CACNA2D3: variants seen among roughly 807,000 people sequenced by gnomAD.
CACNA2D3 encodes calcium voltage-gated channel auxiliary subunit alpha2delta 3, also known as voltage-dependent calcium channel subunit alpha-2/delta-3.
CACNA2D3 carries 60 observed loss-of-function variants against 160.6 expected under a neutral mutation model. The ratio of observed to expected loss-of-function variants is 0.37; its 90% confidence interval spans 0.30 to 0.46. The LOEUF is 0.46. Among genes scored for constraint, CACNA2D3 ranks in the 20% least tolerant of loss-of-function variants. The probability of loss-of-function intolerance (pLI) is 1.00; values close to 1 mark genes in which losing one functional copy is unlikely to be tolerated. For synonymous variants in CACNA2D3, 558 were observed against 492.9 expected (o/e 1.13, Z -1.75); for missense variants, 1,205 against 1,365.0 (o/e 0.88, Z 1.85).
chr3:54,472,090 AG>A (rs1700743184), intron 4 of CACNA2D3, among the ~76,000 whole-genome samples: 1 of 152,208 alleles, frequency 6.6e-6, no homozygotes, highest in Admixed American at 6.5e-5. Context: ...CAGAGACACA[AG>A]AAAAAAAGAA....
chr3:54,664,968 A>C (rs2106887825), intron 11 of CACNA2D3, among the ~76,000 whole-genome samples: 1 of 152,362 alleles, frequency 6.6e-6, no homozygotes, highest in East Asian at 1.9e-4. Context: ...GTAAAGGTTC[A>C]TTTGATGTCT....
chr3:54,469,155 A>G (rs888107670), intron 4 of CACNA2D3, among the ~76,000 whole-genome samples: 6 of 152,292 alleles, frequency 3.9e-5, no homozygotes, highest in East Asian at 1.9e-4. Context: ...GCAAGGGTCA[A>G]TAGACACCTC....
At chr3:54,745,253 T>C (rs748684849) in intron 11 of CACNA2D3, among the ~76,000 whole-genome samples, 11 of 152,166 alleles carry the variant, frequency 7.2e-5, no homozygotes, top group Non-Finnish European at 1.3e-4. Context: ...CGTTGGACAG[T>C]CAATCATCTC....
chr3:54,675,939 T>G (rs1700236131), intron 11 of CACNA2D3, among the ~76,000 whole-genome samples: 1 of 152,152 alleles, frequency 6.6e-6, no homozygotes, highest in African/African-American at 2.4e-5. Context: ...ACTCCCATGG[T>G]TATATCCTTG....
At chr3:54,270,397 C>T (rs893531704) in intron 2 of CACNA2D3, among the ~76,000 whole-genome samples, 1 of 152,232 alleles carries the variant, frequency 6.6e-6, no homozygotes, top group African/African-American at 2.4e-5. Flanking sequence ...CTTGACACTG[C>T]TCTTGAATAT....
At chr3:54,545,824 G>A (rs1702054652) in intron 5 of CACNA2D3, among the ~76,000 whole-genome samples, 2 of 152,108 alleles carry the variant, frequency 1.3e-5, no homozygotes, top group African/African-American at 4.8e-5. Context: ...GTTTATGTTT[G>A]GTGACCTTAT....
chr3:54,377,541 C>T (rs1461977569), intron 3 of CACNA2D3, among the ~76,000 whole-genome samples: 2 of 152,168 alleles, frequency 1.3e-5, no homozygotes, highest in Non-Finnish European at 2.9e-5. Flanking sequence ...TGTGTGGAAT[C>T]CTTTGGGAAA....
intron 4 of CACNA2D3, among the ~76,000 whole-genome samples, chr3:54,447,993 C>T (rs1700248761): frequency 6.6e-6 from 1 of 152,176 alleles, no homozygotes; most frequent in Non-Finnish European, 1.5e-5. Flanking sequence ...CAAAGTAGCA[C>T]AACCACGAGG....
chr3:54,273,957 T>A (rs1260184225), intron 2 of CACNA2D3, among the ~76,000 whole-genome samples: 1 of 152,132 alleles, frequency 6.6e-6, no homozygotes, highest in Non-Finnish European at 1.5e-5. Context: ...CCAGGCCAGG[T>A]TGCATCATAC....
intron 35 of CACNA2D3, among the ~76,000 whole-genome samples, chr3:55,042,574 G>A (rs971081364): frequency 6.6e-6 from 1 of 151,846 alleles, no homozygotes; most frequent in Non-Finnish European, 1.5e-5. Context: ...CATATGTTTT[G>A]GTCTTTCTTT....
chr3:54,653,013 C>A (rs940104204), intron 11 of CACNA2D3, among the ~76,000 whole-genome samples: 6 of 152,126 alleles, frequency 3.9e-5, no homozygotes, highest in Admixed American at 3.3e-4. Flanking sequence ...GAACTCCTGA[C>A]CTCAAGTGAT....
At chr3:54,957,749 T>C (rs1701937498) in intron 27 of CACNA2D3, among the ~76,000 whole-genome samples, 1 of 152,044 alleles carries the variant, frequency 6.6e-6, no homozygotes, top group African/African-American at 2.4e-5. Flanking sequence ...TGCCCATTGC[T>C]CCATGCCAGT....
At chr3:54,207,897 A>G (rs183757051) in intron 2 of CACNA2D3, among the ~76,000 whole-genome samples, 72 of 152,252 alleles carry the variant, frequency 4.7e-4, no homozygotes, top group African/African-American at 1.7e-3. Context: ...CATTATCCAG[A>G]AAAGTGATCT....
chr3:54,860,754 A>G (rs989978001), intron 17 of CACNA2D3, among the ~76,000 whole-genome samples: 3 of 152,126 alleles, frequency 2.0e-5, no homozygotes, highest in African/African-American at 4.8e-5. Flanking sequence ...CTGTTTCTCT[A>G]TGGAGCAGAG....
intron 11 of CACNA2D3, among the ~76,000 whole-genome samples, chr3:54,687,140 T>TTTTTTTTTTTTTTTTTTTTTTTTTG (rs1559549449): frequency 1.4e-5 from 1 of 69,670 alleles, no homozygotes; most frequent in Non-Finnish European, 3.2e-5. Context: ...TTTTTGTTTT[T>TTTTTTTTTTTTTTTTTTTTTTTTTG]TTTTTTTTTT....
chr3:54,467,399 A>G (rs1009818314), intron 4 of CACNA2D3, among the ~76,000 whole-genome samples: 8 of 152,202 alleles, frequency 5.3e-5, no homozygotes, highest in Non-Finnish European at 1.5e-5. Flanking sequence ...AGTAAAAGAG[A>G]AAGAGAAGCT....
At chr3:54,200,755 C>T (rs1462443189) in intron 2 of CACNA2D3, among the ~76,000 whole-genome samples, 4 of 152,180 alleles carry the variant, frequency 2.6e-5, no homozygotes, top group Non-Finnish European at 5.9e-5. Context: ...CATTTCATAG[C>T]ATTTGATTAC....
intron 2 of CACNA2D3, among the ~76,000 whole-genome samples, chr3:54,243,033 C>T (rs989989850): frequency 1.3e-5 from 2 of 152,154 alleles, no homozygotes; most frequent in South Asian, 2.1e-4. Flanking sequence ...GATTTGGGTC[C>T]GGGTGAATTG....
rs180960609 is a variant in CACNA2D3 at position 54,334,045 on chromosome 3, G to A, written c.321+13487G>A. Among the ~76,000 whole-genome samples the A allele has an allele frequency of 4.9e-3, 742 of 152,338 alleles. 3 individuals carry two copies. Among genetic ancestry groups the A allele is most frequent in the Non-Finnish European group, 9.3e-3 (636 of 68,022 alleles). ...TACTTCCTCTTGTAGAAGTGGAAGTGCAGGGACTTTGCCCCAGTCATTTGT... is the reference window on the plus strand; with the variant it reads ...TACTTCCTCTTGTAGAAGTGGAAGTACAGGGACTTTGCCCCAGTCATTTGT... On this transcript the variant is annotated intron_variant, in intron 3 of 37. Transcript: ENST00000474759.
Sources: gnomAD v4.1 joint callset for allele counts (sites outside exome capture counted in the v4.1 genomes callset) on GRCh38, gnomAD v4.1.1 for gene constraint, MANE v1.5 for transcripts, NCBI Gene and HGNC (gene_info 2026-07-23, HGNC 2026-07-21) for gene names.